Variants in MALRD1 observed in about 807,000 individuals in gnomAD.
MALRD1 encodes the protein MAM and LDL receptor class A domain containing 1.
A neutral mutation model predicts 242.1 loss-of-function variants in MALRD1; 247 were observed. The ratio of observed to expected loss-of-function variants is 1.02; its 90% CI spans 0.92 to 1.13. The LOEUF (loss-of-function observed/expected upper bound fraction) is 1.13. Among genes scored for constraint, MALRD1 ranks in the 50% most tolerant of loss-of-function variants. The pLI, the probability that MALRD1 is intolerant of heterozygous loss-of-function variation, is 0.00. For synonymous variants in MALRD1, 995 were observed against 866.6 expected, an observed-to-expected ratio of 1.15 and a Z score of -2.60; for missense variants, 2,989 against 2,533.1, an observed-to-expected ratio of 1.18 and a Z score of -3.86.
intron 32 of MALRD1, among the ~76,000 whole-genome samples, chr10:19,553,985 C>G (rs1564436306): frequency 2.0e-5 from 3 of 152,100 alleles, no homozygotes; most frequent in African/African-American, 7.2e-5. Context: ...CCTGGCAGTG[C>G]TCTAGGCATT....
At chr10:19,221,670 T>G (rs1837560012) in intron 18 of MALRD1, among the ~76,000 whole-genome samples, 1 of 152,100 alleles carries the variant, frequency 6.6e-6, no homozygotes, top group Non-Finnish European at 1.5e-5. Flanking sequence ...TCAGATGTCT[T>G]GATAGGTTTA....
At chr10:19,364,111 A>G (rs1277595496) in intron 26 of MALRD1, among the ~76,000 whole-genome samples, 1 of 152,102 alleles carries the variant, frequency 6.6e-6, no homozygotes, top group Admixed American at 6.6e-5. Context: ...TTTACATTAG[A>G]GGACAAGAAA....
intron 5 of MALRD1, among the ~76,000 whole-genome samples, chr10:19,113,822 C>CACAG (rs1564400120): frequency 6.8e-6 from 1 of 147,942 alleles, no homozygotes; most frequent in African/African-American, 2.4e-5. Context: ...CACACACACA[C>CACAG]ACACACACAG....
At chr10:19,323,889 G>A in intron 21 of MALRD1, 60 bp from the exon 22 acceptor site, 2 of 1,491,142 alleles carry the variant, frequency 1.3e-6, no homozygotes, top group Non-Finnish European at 1.8e-6. Flanking sequence ...GGGATTACAG[G>A]CGTGAGCCAC....
chr10:19,176,846 CTG>C (rs539001847), intron 14 of MALRD1, among the ~76,000 whole-genome samples: 3 of 147,812 alleles, frequency 2.0e-5, no homozygotes, highest in Admixed American at 1.4e-4. Flanking sequence ...GCCTGTGTGT[CTG>C]TGTGTGTGCG....
intron 36 of MALRD1, among the ~76,000 whole-genome samples, chr10:19,654,293 G>T (rs559220683): frequency 2.2e-4 from 33 of 151,872 alleles, no homozygotes; most frequent in East Asian, 9.7e-4. Context: ...AAAAAGTGGG[G>T]TTTTTTTTAG....
chr10:19,445,748 G>A (rs530900488), intron 28 of MALRD1, among the ~76,000 whole-genome samples: 12 of 152,350 alleles, frequency 7.9e-5, no homozygotes. Context: ...TGGGCTCAGA[G>A]ACCCACTTGA....
At chr10:19,609,103 A>G (rs373801425) in intron 35 of MALRD1, among the ~76,000 whole-genome samples, 24 of 152,202 alleles carry the variant, frequency 1.6e-4, no homozygotes, top group African/African-American at 5.8e-4. Context: ...GATATAATCT[A>G]CTTTTAAAAA....
chr10:19,655,879 A>G (rs1335424853), intron 36 of MALRD1, among the ~76,000 whole-genome samples: 4 of 152,030 alleles, frequency 2.6e-5, no homozygotes, highest in Non-Finnish European at 4.4e-5. Flanking sequence ...GTCTGATGCC[A>G]TCTAGCTGAT....
chr10:19,674,208 C>T (rs375732509), intron 36 of MALRD1, among the ~76,000 whole-genome samples: 59 of 152,118 alleles, frequency 3.9e-4, no homozygotes, highest in Non-Finnish European at 7.1e-4. Context: ...TAGGGAATGG[C>T]GTAACCTCAT....
chr10:19,491,419 G>T, intron 29 of MALRD1, 98 bp from the exon 30 acceptor site: 1 of 1,388,852 alleles, frequency 7.2e-7, no homozygotes, highest in Non-Finnish European at 9.8e-7. Flanking sequence ...TCCTTAACTT[G>T]CTTACTAGTG....
intron 31 of MALRD1, among the ~76,000 whole-genome samples, chr10:19,518,402 A>G (rs1240632398): frequency 6.6e-6 from 1 of 152,192 alleles, no homozygotes; most frequent in Non-Finnish European, 1.5e-5. Context: ...ATAGAGAAAA[A>G]CCAATGACAT....
At chr10:19,179,329 T>G (rs973052659) in intron 14 of MALRD1, among the ~76,000 whole-genome samples, 2 of 152,076 alleles carry the variant, frequency 1.3e-5, no homozygotes, top group Non-Finnish European at 2.9e-5. Flanking sequence ...TCAATGACAA[T>G]GTATTGTACA....
At chr10:19,108,156 T>C (rs950677467) in intron 5 of MALRD1, among the ~76,000 whole-genome samples, 2 of 152,124 alleles carry the variant, frequency 1.3e-5, no homozygotes, top group African/African-American at 2.4e-5. Flanking sequence ...TGGTTTCCCA[T>C]AGGTCACATA....
chr10:19,171,652 A>C (rs1834960774), intron 13 of MALRD1, among the ~76,000 whole-genome samples: 1 of 111,812 alleles, frequency 8.9e-6, no homozygotes, highest in African/African-American at 3.2e-5. Context: ...ACACACATAT[A>C]TATGTCTATG....
chr10:19,488,374 G>A (rs1184927543), intron 29 of MALRD1, among the ~76,000 whole-genome samples: 1 of 152,140 alleles, frequency 6.6e-6, no homozygotes, highest in Non-Finnish European at 1.5e-5. Flanking sequence ...GGGACAGCCA[G>A]CCATGTATAA....
intron 25 of MALRD1, among the ~76,000 whole-genome samples, chr10:19,349,884 T>C (rs1844297618): frequency 6.6e-6 from 1 of 152,270 alleles, no homozygotes; most frequent in South Asian, 2.1e-4. Flanking sequence ...ATTTCATCCA[T>C]TGCTATATTC....
At chr10:19,684,000 C>A (rs1842476193) in intron 36 of MALRD1, among the ~76,000 whole-genome samples, 1 of 152,116 alleles carries the variant, frequency 6.6e-6, no homozygotes, top group South Asian at 2.1e-4. Context: ...CATTGTTCAG[C>A]TCCCACTTAT....
intron 38 of MALRD1, among the ~76,000 whole-genome samples, chr10:19,706,045 G>A (rs968300460): frequency 3.9e-5 from 6 of 152,080 alleles, no homozygotes; most frequent in Admixed American, 1.3e-4. Context: ...GAAAGATACT[G>A]GAAAGCCAGC....
Sources: gnomAD v4.1 joint callset for allele counts (sites outside exome capture counted in the v4.1 genomes callset) on GRCh38, gnomAD v4.1.1 for gene constraint, MANE v1.5 for transcripts, NCBI Gene and HGNC (gene_info 2026-07-23, HGNC 2026-07-21) for gene names.